The following FAM193A variants were observed in gnomAD, a reference collection of about 807,000 sequenced individuals.
FAM193A encodes the protein protein FAM193A.
In FAM193A, 22 loss-of-function variants were observed where a neutral mutation model predicts 126.5. That is an observed-to-expected ratio of 0.17 (90% CI 0.12 to 0.25). The LOEUF (loss-of-function observed/expected upper bound fraction) is 0.25. FAM193A is among the 10% of genes least tolerant of loss of function. FAM193A has a pLI of 1.00. For synonymous variants in FAM193A, 761 were observed against 646.8 expected (o/e 1.18, Z -2.68); for missense variants, 1,675 against 1,672.8 (o/e 1.00, Z -0.02).
intron 1 of FAM193A, among the ~76,000 whole-genome samples, chr4:2,553,415 A>C (rs1345759403): frequency 7.6e-6 from 1 of 132,042 alleles, no homozygotes; most frequent in African/African-American, 2.9e-5. Flanking sequence ...GGAGTCTCAC[A>C]CTGTCGCCAG....
At chr4:2,724,857 GAGA>G (rs1285393962) in intron 20 of FAM193A, among the ~76,000 whole-genome samples, 10 of 152,092 alleles carry the variant, frequency 6.6e-5, no homozygotes, top group African/African-American at 1.9e-4. Context: ...TCAGTCAACT[GAGA>G]AGGTTTTTTT....
chr4:2,645,460 T>G (rs1745039843), intron 6 of FAM193A, among the ~76,000 whole-genome samples: 1 of 152,194 alleles, frequency 6.6e-6, no homozygotes, highest in Admixed American at 6.6e-5. Flanking sequence ...TCCACCTGCA[T>G]GTGTGTCTTT....
chr4:2,683,841 G>T (rs1313471901), intron 13 of FAM193A, among the ~76,000 whole-genome samples: 10 of 152,166 alleles, frequency 6.6e-5, no homozygotes, highest in African/African-American at 2.2e-4. Flanking sequence ...TTCTATTGGG[G>T]ATATTGTTTC....
chr4:2,663,062 ATT>A (rs1188120828), intron 11 of FAM193A, 45 bp from the exon 12 acceptor site: 1 of 1,599,738 alleles, frequency 6.3e-7, no homozygotes, highest in Non-Finnish European at 8.6e-7. Context: ...AATATTTTAT[ATT>A]ACTCTGTTTT....
chr4:2,731,909 G>T lies in FAM193A; in HGVS notation c.*41G>T. 6.8e-7 allele frequency: 1 copy of T among 1,466,224 alleles called. No individual in the cohort carries two copies. Among genetic ancestry groups the T allele is most frequent in the Non-Finnish European group, 9.6e-7 (1 of 1,046,730 alleles). 90.8% of individuals were successfully genotyped at this position (1,466,224 alleles called of 1,614,324 possible). A position where few individuals can be genotyped will look rare whatever the true frequency, so the allele number is the denominator to read the frequency against. On this transcript the variant is annotated 3_prime_UTR_variant, in exon 21 of 21. Coordinates refer to ENST00000637812, the MANE Select transcript of FAM193A (RefSeq NM_001366318.2). ...AGAGGGACACGCGAGAGGCAGGCCA[G>T]GCTGCACCACCCCAAGAGCCACGCC...
intron 17 of FAM193A, 25 bp downstream of exon 17, chr4:2,695,154 A>G (rs1179685816): frequency 2.6e-6 from 4 of 1,549,304 alleles, no homozygotes; most frequent in Non-Finnish European, 2.6e-6. Context: ...TCAGCGCATC[A>G]TGATGTGGGA....
At chr4:2,713,120 A>AAT (rs1719164992) in intron 19 of FAM193A, among the ~76,000 whole-genome samples, 1 of 143,462 alleles carries the variant, frequency 7.0e-6, no homozygotes, top group Non-Finnish European at 1.5e-5. Flanking sequence ...AAAAAAAAAA[A>AAT]AATTGTCCAG....
intron 1 of FAM193A, among the ~76,000 whole-genome samples, chr4:2,554,803 C>G (rs961215637): frequency 2.0e-5 from 3 of 151,850 alleles, no homozygotes; most frequent in African/African-American, 7.3e-5. Flanking sequence ...GTGAATTGAC[C>G]CTTTGTCATT....
chr4:2,625,434 C>T lies in FAM193A; in HGVS notation c.635+39C>T, dbSNP rs115663967. The T allele has an allele frequency of 8.2e-3, 5,566 of 674,774 alleles. 86 individuals carry two copies. Among genetic ancestry groups the T allele is most frequent in the African/African-American group, 0.048 (2,704 of 56,710 alleles). The allele number at this position is 674,774 out of a possible 1,614,324, so 41.8% of individuals were successfully genotyped here. A position where few individuals can be genotyped will look rare whatever the true frequency, so the allele number is the denominator to read the frequency against. ...GTGCCACGTTGCTCACACCTGTCCA[C>T]AATGACATGCAGACCTGCATATTGG... On this transcript the variant is annotated intron_variant, in intron 3 of 20. Transcript: ENST00000637812.
chr4:2,571,971 C>G (rs1739317858), intron 1 of FAM193A, among the ~76,000 whole-genome samples: 1 of 151,678 alleles, frequency 6.6e-6, no homozygotes, highest in Non-Finnish European at 1.5e-5. Context: ...CAAGACCAGC[C>G]TGGCCAACAT....
chr4:2,583,294 T>G (rs1740056041), intron 1 of FAM193A, among the ~76,000 whole-genome samples: 1 of 152,226 alleles, frequency 6.6e-6, no homozygotes, highest in Non-Finnish European at 1.5e-5. Context: ...TTTAGACATG[T>G]CTGGTAACCC....
At chr4:2,698,121 G>A (rs141029894) in intron 18 of FAM193A, among the ~76,000 whole-genome samples, 11 of 152,214 alleles carry the variant, frequency 7.2e-5, no homozygotes, top group Non-Finnish European at 1.3e-4. Context: ...GTGTGTTGAG[G>A]CTCACTGGCT....
At chr4:2,647,005 G>A (rs1169670687) in intron 7 of FAM193A, among the ~76,000 whole-genome samples, 173 bp downstream of exon 7, 1 of 152,252 alleles carries the variant, frequency 6.6e-6, no homozygotes, top group Non-Finnish European at 1.5e-5. Flanking sequence ...CGGAAGGGAT[G>A]GGAAACCTGT....
rs1199209324 is a variant in FAM193A, at chr4:2,569,073, G to A, written c.256-27011G>A. On this transcript the variant is annotated intron_variant, in intron 1 of 20. Coordinates refer to ENST00000637812, the MANE Select transcript of FAM193A (RefSeq NM_001366318.2). ...CAACCTCTGCCTCCTGGGTTCAAGC[G>A]ATTCTCCTGCCTCAGCCTCCTGAGT... 4.8e-5 allele frequency among the ~76,000 whole-genome samples: 7 copies of A among 146,584 alleles called. 1 individual carries two copies. Among genetic ancestry groups the A allele is most frequent in the Admixed American group, 2.1e-4 (3 of 14,396 alleles).
At chr4:2,660,212 G>A (rs76312567) in intron 10 of FAM193A, among the ~76,000 whole-genome samples, 158 bp downstream of exon 10, 3,591 of 151,970 alleles carry the variant, frequency 0.024, 89 homozygotes, top group African/African-American at 0.063. Context: ...CATGAAATCA[G>A]TAAACCCAAA....
intron 7 of FAM193A, among the ~76,000 whole-genome samples, chr4:2,649,415 G>T (rs1745454459): frequency 1.3e-5 from 2 of 149,220 alleles, no homozygotes; most frequent in South Asian, 4.2e-4. Context: ...GCTCACACCT[G>T]TATTCCTAGC....
chr4:2,615,565 CTGGAGTGCAG>C (rs1415861878), intron 2 of FAM193A, among the ~76,000 whole-genome samples: 1 of 152,182 alleles, frequency 6.6e-6, no homozygotes, highest in Non-Finnish European at 1.5e-5. Flanking sequence ...TGTCACCAGG[CTGGAGTGCAG>C]TGGTGCGATC....
chr4:2,727,214 G>C (rs530877919), intron 20 of FAM193A, among the ~76,000 whole-genome samples: 7 of 151,930 alleles, frequency 4.6e-5, no homozygotes, highest in African/African-American at 1.7e-4. Flanking sequence ...AGCCGAGATC[G>C]CGTCACTGCA....
At chr4:2,714,813 G>A (rs1478064612) in intron 19 of FAM193A, among the ~76,000 whole-genome samples, 6 of 152,144 alleles carry the variant, frequency 3.9e-5, no homozygotes, top group South Asian at 2.1e-4. Context: ...GAGGGCTGCA[G>A]GGAAATGGAG....
Sources: allele counts gnomAD v4.1 joint callset (sites outside exome capture counted in the v4.1 genomes callset), GRCh38; gene constraint gnomAD v4.1.1; transcripts MANE v1.5; gene names NCBI Gene and HGNC (gene_info 2026-07-23, HGNC 2026-07-21).